The following CALM3 variants were observed in gnomAD, a reference collection of about 807,000 sequenced individuals.
The protein encoded by CALM3 is calmodulin 3, also known as calmodulin-3.
Under a neutral mutation model 20.1 loss-of-function variants are expected in CALM3, and 5 were observed. The observed-to-expected ratio is 0.25, with a 90% CI of 0.13 to 0.52. The LOEUF (loss-of-function observed/expected upper bound fraction) is 0.52. Among genes scored for constraint, CALM3 ranks in the 20% least tolerant of loss-of-function variants. The pLI is 0.96. For missense variants in CALM3, 57 were observed against 192.8 expected (o/e 0.30, Z 4.17); for synonymous variants, 69 against 68.1 (o/e 1.01, Z -0.06).
Position 46,608,361 on chromosome 19 carries a change from G to T in CALM3, c.178+21G>T, listed in dbSNP as rs1487772421. 1 of 1,613,328 alleles carries T rather than the reference G, an allele frequency of 6.2e-7. No homozygotes were observed. Among genetic ancestry groups the T allele is most frequent in the African/African-American group, 1.3e-5 (1 of 74,904 alleles). ...AGATGGTGAGCCCCACAGAGCGCGTGGGCAGCCCTGCTCCTGGTCACCCCG... is the reference window on the plus strand; with the variant it reads ...AGATGGTGAGCCCCACAGAGCGCGTTGGCAGCCCTGCTCCTGGTCACCCCG... On this transcript the variant is annotated intron_variant, in intron 3 of 5. Coordinates refer to ENST00000291295, the MANE Select transcript of CALM3 (RefSeq NM_005184.4). The surrounding 1 kb of genome is among the most constrained non-coding windows in gnomAD (Gnocchi z 5.5).
Position 46,606,794 on chromosome 19 carries a change from A to G in CALM3, c.34+937A>G, listed in dbSNP as rs113313592. Among the ~76,000 whole-genome samples, 54 of 152,274 alleles carry G rather than the reference A, an allele frequency of 3.5e-4. 1 individual carries two copies. The highest frequency in any genetic ancestry group is 1.2e-3 in the African/African-American group (50 of 41,544). ...CTACCCGCCCATACTGAGCTGCCCG[A>G]GGACAGAGAGCAACTCTTGGTTTAT... On this transcript the variant is annotated intron_variant, in intron 2 of 5. Coordinates refer to ENST00000291295, the MANE Select transcript of CALM3 (RefSeq NM_005184.4).
Position 46,605,944 on chromosome 19 carries a change from G to C in CALM3, c.34+87G>C. On this transcript the variant is annotated intron_variant, in intron 2 of 5. Coordinates refer to ENST00000291295, the MANE Select transcript of CALM3 (RefSeq NM_005184.4). The surrounding 1 kb of genome is among the most constrained non-coding windows in gnomAD (Gnocchi z 4.1). ...AGCCACTGAGGAGTGACATCTGATG[G>C]GTGAACCTGTGTATCCCTTGTGTCA... The C allele has an allele frequency of 8.3e-7, 1 of 1,200,918 alleles. No individual in the cohort carries two copies. The highest frequency in any genetic ancestry group is 1.2e-6 in the Non-Finnish European group (1 of 806,544). The allele number at this position is 1,200,918 out of a possible 1,614,324, so 74.4% of individuals were successfully genotyped here. A position where few individuals can be genotyped will look rare whatever the true frequency, so the allele number is the denominator to read the frequency against.
At chr19:46,606,301 C>G (rs1225183470) in intron 2 of CALM3, 4 of 167,514 alleles carry the variant, frequency 2.4e-5, no homozygotes, top group East Asian at 3.7e-4. Context: ...CACTTCCTTT[C>G]GCATGTGCCT....
In CALM3 at chr19:46,609,260, A is replaced by C; in HGVS notation, c.*107A>C. On this transcript the variant is annotated 3_prime_UTR_variant, in exon 6 of 6. Transcript: ENST00000291295. Reference sequence around the variant, plus strand: ...CGTACCCCGGTTCTAGCAAACACCAATTGATTGACTGAGAATCTGATAAAG... The same window carrying C: ...CGTACCCCGGTTCTAGCAAACACCACTTGATTGACTGAGAATCTGATAAAG... 1.0e-6 allele frequency: 1 copy of C among 972,778 alleles called. No individual in the cohort carries two copies. 60.3% of individuals were successfully genotyped at this position (972,778 alleles called of 1,614,324 possible).
Position 46,603,907 on chromosome 19 carries a change from C to T in CALM3, c.4-1920C>T, listed in dbSNP as rs549100826. Among the ~76,000 whole-genome samples the T allele has an allele frequency of 2.0e-5, 3 of 152,286 alleles. No individual in the cohort carries two copies. In the South Asian group the frequency reaches 6.2e-4, roughly 32 times the overall value. Reference sequence around the variant, plus strand: ...TTGGTGGAGACTGGCAAACGGTGGCCTTCAGAGCCGCTCGGGGCAGTCTGC... The same window carrying T: ...TTGGTGGAGACTGGCAAACGGTGGCTTTCAGAGCCGCTCGGGGCAGTCTGC... On this transcript the variant is annotated intron_variant, in intron 1 of 5. Coordinates refer to ENST00000291295, the MANE Select transcript of CALM3 (RefSeq NM_005184.4).
rs370746699 is a variant in CALM3 at position 46,609,235 on chromosome 19, C to T, written c.*82C>T. On this transcript the variant is annotated 3_prime_UTR_variant, in exon 6 of 6. Transcript: ENST00000291295. ...GCACTCTCTCTTCAACACTCCCCTG[C>T]GTACCCCGGTTCTAGCAAACACCAA... 5.5e-4 allele frequency: 702 copies of T among 1,280,374 alleles called. 4 individuals are homozygous for T. The highest frequency in any genetic ancestry group is 2.0e-3 in the Middle Eastern group (11 of 5,490). 79.3% of individuals were successfully genotyped at this position (1,280,374 alleles called of 1,614,324 possible).
At position 46,601,362 on chromosome 19, in the gene CALM3, C is replaced by T. The variant is rs1971609983; in HGVS notation, c.-73C>T. On this transcript the variant is annotated 5_prime_UTR_variant, in exon 1 of 6. Transcript: ENST00000291295. The surrounding 1 kb of genome is among the most constrained non-coding windows in gnomAD (Gnocchi z 4.2). ...GTGGAGGCGCGGACGCGCGGCGGAG[C>T]TGGAACTGCTGCAGCTGCTGCCGCC... The T allele has an allele frequency of 6.1e-6, 9 of 1,469,946 alleles. No homozygotes were observed. The highest frequency in any genetic ancestry group is 8.1e-6 in the Non-Finnish European group (9 of 1,106,256). The allele number at this position is 1,469,946 out of a possible 1,614,324, so 91.1% of individuals were successfully genotyped here.
intron 1 of CALM3, among the ~76,000 whole-genome samples, chr19:46,603,109 G>T (rs1312892080): frequency 1.3e-5 from 2 of 152,242 alleles, no homozygotes; most frequent in East Asian, 3.8e-4. Context: ...AGCCCCACCA[G>T]GCTGAGCCTG....
intron 1 of CALM3, chr19:46,602,146 A>C: frequency 7.5e-7 from 1 of 1,338,068 alleles, no homozygotes; most frequent in East Asian, 4.8e-5. Context: ...CGGAGATTAG[A>C]AGATACTCTT....
chr19:46,606,520 T>G (rs1971746399), intron 2 of CALM3, among the ~76,000 whole-genome samples: 2 of 152,316 alleles, frequency 1.3e-5, no homozygotes, highest in Admixed American at 6.5e-5. Context: ...CTTCACCTGT[T>G]GTATCTCCTG....
Position 46,605,684 on chromosome 19 carries a change from C to T in CALM3, c.4-143C>T. 1 of 731,074 alleles carries T rather than the reference C, an allele frequency of 1.4e-6. No individual in the cohort carries two copies. 45.3% of individuals were successfully genotyped at this position (731,074 alleles called of 1,614,324 possible). A position where few individuals can be genotyped will look rare whatever the true frequency, so the allele number is the denominator to read the frequency against. On this transcript the variant is annotated intron_variant, in intron 1 of 5. Coordinates refer to ENST00000291295, the MANE Select transcript of CALM3 (RefSeq NM_005184.4). The surrounding 1 kb of genome is among the most constrained non-coding windows in gnomAD (Gnocchi z 4.1). ...TCAGGCGCTGGCTCTGCCTCAGACCCTGACTCTGGCATGCTCCTCCCTGGC... is the reference window on the plus strand; with the variant it reads ...TCAGGCGCTGGCTCTGCCTCAGACCTTGACTCTGGCATGCTCCTCCCTGGC...
At chr19:46,606,243 C>A in intron 2 of CALM3, 2 of 206,858 alleles carry the variant, frequency 9.7e-6, no homozygotes, top group Non-Finnish European at 1.9e-5. Context: ...TTAGGAGCCG[C>A]CCAGGAGCTG....
At chr19:46,602,309 G>A in intron 1 of CALM3, 1 of 878,604 alleles carries the variant, frequency 1.1e-6, no homozygotes, top group South Asian at 1.5e-5. Flanking sequence ...GGTTAAGACT[G>A]TTGCTCTAGA....
chr19:46,608,885 G>A lies in CALM3; in HGVS notation c.325G>A (p.Val109Ile), dbSNP rs1049107500. Residue 109 changes from valine (V) to isoleucine (I), a missense_variant, in exon 5 of 6, where the codon GTA becomes ATA. Physicochemically the swap from Val to Ile is conservative, Grantham distance 29. Coordinates refer to ENST00000291295, the MANE Select transcript of CALM3 (RefSeq NM_005184.4). This position sits in a 1 kb window ranked among gnomAD's most constrained non-coding sequence, Gnocchi z 5.5. ...CATCAGCGCCGCAGAGCTGCGTCAC[G>A]TAATGACGAACCTGGGGGAGAAGCT... ...GYISAAELRH[V>I]MTNLGEKLTD... 3.1e-6 allele frequency: 5 copies of A among 1,601,098 alleles called. No homozygotes were observed. Among genetic ancestry groups the A allele is most frequent in the Non-Finnish European group, 4.3e-6 (5 of 1,173,926 alleles).
chr19:46,601,511 C>A lies in CALM3; in HGVS notation c.3+74C>A. The A allele has an allele frequency of 1.5e-6, 2 of 1,312,628 alleles. No individual in the cohort carries two copies. The highest frequency in any genetic ancestry group is 3.1e-5 in the East Asian group (1 of 32,108). The allele number at this position is 1,312,628 out of a possible 1,614,324, so 81.3% of individuals were successfully genotyped here. Reference sequence around the variant, plus strand: ...TAACGGGGCAGGACCCCTGAGGGGGCGACAGAGCCCAGAGTGGGGGGCGTC... The same window carrying A: ...TAACGGGGCAGGACCCCTGAGGGGGAGACAGAGCCCAGAGTGGGGGGCGTC... On this transcript the variant is annotated intron_variant, in intron 1 of 5. Transcript: ENST00000291295. The surrounding 1 kb of genome is among the most constrained non-coding windows in gnomAD (Gnocchi z 4.2).
In CALM3 at chr19:46,608,915, G is replaced by A. The variant is rs2122249750; in HGVS notation, c.355G>A (p.Asp119Asn). 1 of 1,609,192 alleles carries A rather than the reference G, an allele frequency of 6.2e-7. No homozygotes were observed. The highest frequency in any genetic ancestry group is 8.5e-7 in the Non-Finnish European group (1 of 1,177,688). Residue 119 changes from aspartate to asparagine, a missense_variant, in exon 5 of 6, where the codon GAT becomes AAT. Coordinates refer to ENST00000291295, the MANE Select transcript of CALM3 (RefSeq NM_005184.4). This position sits in a 1 kb window ranked among gnomAD's most constrained non-coding sequence, Gnocchi z 5.5. The part of the protein sequence containing the change: ...VMTNLGEKLT[D>N]EEVDEMIREA... The stretch of plus-strand genomic sequence containing the variant: ...GACGAACCTGGGGGAGAAGCTGACC[G>A]ATGAGGAGGTGGATGAGATGATCAG...
intron 2 of CALM3, among the ~76,000 whole-genome samples, chr19:46,607,290 A>G (rs545739532): frequency 1.3e-5 from 2 of 151,132 alleles, no homozygotes; most frequent in South Asian, 4.2e-4. Context: ...CCATCTCCCA[A>G]CTCTGGCCTT....
At position 46,601,642 on chromosome 19, in the gene CALM3, G is replaced by A. The variant is rs889259081; in HGVS notation, c.3+205G>A. Among the ~76,000 whole-genome samples the A allele has an allele frequency of 6.6e-6, 1 of 152,220 alleles. No homozygotes were observed. The highest frequency in any genetic ancestry group is 1.5e-5 in the Non-Finnish European group (1 of 68,044). On this transcript the variant is annotated intron_variant, in intron 1 of 5. Transcript: ENST00000291295. This position sits in a 1 kb window ranked among gnomAD's most constrained non-coding sequence, Gnocchi z 4.2. The stretch of plus-strand genomic sequence containing the variant: ...CCAGAGGTTTCCAGAAGCGACTTTA[G>A]CACCAAATGGGATGTTTAAGTCCAC...
At position 46,608,746 on chromosome 19, in the gene CALM3, G is replaced by A; in HGVS notation, c.286-100G>A. On this transcript the variant is annotated intron_variant, in intron 4 of 5. Coordinates refer to ENST00000291295, the MANE Select transcript of CALM3 (RefSeq NM_005184.4). The surrounding 1 kb of genome is among the most constrained non-coding windows in gnomAD (Gnocchi z 5.5). The stretch of plus-strand genomic sequence containing the variant: ...GCCACCTCAGGCAGCCTCCCTCACT[G>A]TGCTCACTGCTGAGGGATGGTGATG... 7.2e-7 allele frequency: 1 copy of A among 1,382,756 alleles called. No individual in the cohort carries two copies. The highest frequency in any genetic ancestry group is 9.9e-7 in the Non-Finnish European group (1 of 1,013,754). 85.7% of individuals were successfully genotyped at this position (1,382,756 alleles called of 1,614,324 possible). A position where few individuals can be genotyped will look rare whatever the true frequency, so the allele number is the denominator to read the frequency against.
Sources: gnomAD v4.1 joint callset for allele counts (sites outside exome capture counted in the v4.1 genomes callset) on GRCh38, gnomAD v4.1.1 for gene constraint, Gnocchi (gnomAD v3.1) non-coding constraint, MANE v1.5 for transcripts, NCBI Gene and HGNC (gene_info 2026-07-23, HGNC 2026-07-21) for gene names.